The following TEAD1 variants were observed in gnomAD, a reference collection of about 807,000 sequenced individuals.
TEAD1 encodes transcriptional enhancer factor TEF-1.
Under a neutral mutation model 54.9 loss-of-function variants are expected in TEAD1, and 9 were observed. The ratio of observed to expected loss-of-function variants is 0.16; its 90% CI spans 0.10 to 0.29. The LOEUF is 0.29. TEAD1 is among the 10% of genes least tolerant of loss of function. The pLI is 1.00. For synonymous variants in TEAD1, 200 were observed against 187.8 expected (o/e 1.07, Z -0.53); for missense variants, 387 against 535.9 (o/e 0.72, Z 2.74).
chr11:12,909,618 G>A (rs529684840), intron 10 of TEAD1, among the ~76,000 whole-genome samples: 1 of 152,182 alleles, frequency 6.6e-6, no homozygotes, highest in African/African-American at 2.4e-5. Flanking sequence ...AAACCAGCAC[G>A]TTCTGCACAT....
chr11:12,788,886 A>G (rs923559285), intron 3 of TEAD1, among the ~76,000 whole-genome samples: 3 of 152,246 alleles, frequency 2.0e-5, no homozygotes, highest in African/African-American at 4.8e-5. Context: ...ATTAAAAACC[A>G]ATTTAACTGG....
chr11:12,719,949 G>GTT (rs1200965763), intron 2 of TEAD1, among the ~76,000 whole-genome samples: 2 of 40,000 alleles, frequency 5.0e-5, no homozygotes, highest in Non-Finnish European at 1.3e-4. Flanking sequence ...GAAATCTAAT[G>GTT]TTTTTTTTTT....
chr11:12,919,969 G>A (rs183106030), intron 10 of TEAD1, among the ~76,000 whole-genome samples: 14 of 152,204 alleles, frequency 9.2e-5, no homozygotes, highest in Admixed American at 2.6e-4. Flanking sequence ...AGTCCCCATG[G>A]TGCTCCTTGT....
chr11:12,864,493 G>C (rs557229118), intron 4 of TEAD1, among the ~76,000 whole-genome samples: 1 of 152,238 alleles, frequency 6.6e-6, no homozygotes, highest in East Asian at 1.9e-4. Flanking sequence ...AGCAGCGCTG[G>C]GGGCTTGTGT....
chr11:12,832,722 A>C (rs532138399), intron 3 of TEAD1, among the ~76,000 whole-genome samples: 2 of 152,370 alleles, frequency 1.3e-5, no homozygotes, highest in Admixed American at 6.5e-5. Flanking sequence ...ATGATGCAGA[A>C]CACTCATTCC....
intron 3 of TEAD1, among the ~76,000 whole-genome samples, chr11:12,795,619 AG>A (rs1020287242): frequency 1.3e-5 from 2 of 152,210 alleles, no homozygotes; most frequent in African/African-American, 2.4e-5. Flanking sequence ...ACTGGGGCCC[AG>A]GCTTTATACC....
At chr11:12,847,245 G>T (rs1947174477) in intron 3 of TEAD1, among the ~76,000 whole-genome samples, 1 of 152,178 alleles carries the variant, frequency 6.6e-6, no homozygotes, top group South Asian at 2.1e-4. Flanking sequence ...TTCATGCAGG[G>T]CCAGAGGTTG....
At chr11:12,899,296 C>G (rs1161543664) in intron 9 of TEAD1, among the ~76,000 whole-genome samples, 1 of 10,618 alleles carries the variant, frequency 9.4e-5, no homozygotes, top group Non-Finnish European at 5.4e-4. Flanking sequence ...AGCCAGTTGT[C>G]TAGGTAATAA....
At chr11:12,723,172 G>A (rs558898999) in intron 2 of TEAD1, among the ~76,000 whole-genome samples, 2 of 152,282 alleles carry the variant, frequency 1.3e-5, no homozygotes, top group East Asian at 1.9e-4. Flanking sequence ...GATGCCACCA[G>A]CAGTGCGTGA....
At chr11:12,834,745 C>G (rs2033907) in intron 3 of TEAD1, among the ~76,000 whole-genome samples, 103,580 of 150,234 alleles carry the variant, frequency 0.69, 35,911 homozygotes, top group East Asian at 0.76. Flanking sequence ...TACAGAGGTT[C>G]ACACCTCTGT....
intron 2 of TEAD1, among the ~76,000 whole-genome samples, chr11:12,712,459 G>T (rs977080443): frequency 6.6e-6 from 1 of 152,202 alleles, no homozygotes; most frequent in African/African-American, 2.4e-5. Context: ...TTACCTTGCT[G>T]TGTGGCTTCA....
rs1295253553 is a variant in TEAD1 at position 12,879,781 on chromosome 11, C to G, written c.404C>G (p.Ala135Gly). 1 of 1,614,052 alleles carries G rather than the reference C, an allele frequency of 6.2e-7. No homozygotes were observed. Among genetic ancestry groups the G allele is most frequent in the East Asian group, 2.2e-5 (1 of 44,884 alleles). The change falls in exon 6 of 13, where the codon GCC becomes GGC. Residue 135 changes from alanine to glycine, a missense_variant. By Grantham distance (60) the Ala-to-Gly change is moderately conservative. This residue lies in a region of TEAD1 where 180 missense variants were observed against 180.6 expected (regional missense o/e 1.00). Transcript: ENST00000527636. The stretch of plus-strand genomic sequence containing the variant: ...TCAGCCCAGATCGTCTCGGCCACTG[C>G]CATTCATAACAAGCTGGGGCTGCCT...
intron 3 of TEAD1, among the ~76,000 whole-genome samples, chr11:12,778,596 C>A (rs1481042241): frequency 2.0e-5 from 3 of 150,236 alleles, no homozygotes; most frequent in African/African-American, 7.4e-5. Context: ...GGGTCTGTAC[C>A]CACTGAGAAC....
At chr11:12,827,365 A>G (rs1475393334) in intron 3 of TEAD1, among the ~76,000 whole-genome samples, 1 of 152,242 alleles carries the variant, frequency 6.6e-6, no homozygotes, top group East Asian at 1.9e-4. Context: ...TGAGTTTTCA[A>G]ATAGATGAAG....
intron 2 of TEAD1, among the ~76,000 whole-genome samples, chr11:12,704,170 C>T (rs1159952341): frequency 6.6e-6 from 1 of 152,160 alleles, no homozygotes; most frequent in Admixed American, 6.5e-5. Context: ...TATACCTAGG[C>T]TAGAGGAAGA....
chr11:12,683,496 A>T (rs756108281), intron 2 of TEAD1, among the ~76,000 whole-genome samples: 16 of 152,168 alleles, frequency 1.1e-4, no homozygotes, highest in Non-Finnish European at 2.2e-4. Context: ...AGCCCTCATG[A>T]TACATCCGAA....
At chr11:12,859,076 A>G (rs1454292297) in intron 3 of TEAD1, among the ~76,000 whole-genome samples, 10 of 152,204 alleles carry the variant, frequency 6.6e-5, no homozygotes. Context: ...TTGTTGACCA[A>G]AATGTCATCA....
chr11:12,739,202 A>G (rs117534999), intron 2 of TEAD1, among the ~76,000 whole-genome samples: 4 of 140,762 alleles, frequency 2.8e-5, no homozygotes, highest in African/African-American at 8.6e-5. Context: ...CATTCTTTCT[A>G]TCTATCTATC....
At chr11:12,706,142 G>A (rs1350457427) in intron 2 of TEAD1, among the ~76,000 whole-genome samples, 2 of 152,210 alleles carry the variant, frequency 1.3e-5, no homozygotes, top group Non-Finnish European at 2.9e-5. Context: ...ATATGTTCCA[G>A]AGCCTGGCAC....
Sources: allele counts gnomAD v4.1 joint callset (sites outside exome capture counted in the v4.1 genomes callset), GRCh38; gene constraint gnomAD v4.1.1; regional missense constraint gnomAD v4.1.1; transcripts MANE v1.5; gene names NCBI Gene and HGNC (gene_info 2026-07-23, HGNC 2026-07-21).